The following NUDT3 variants were observed in gnomAD, a reference collection of about 807,000 sequenced individuals.
The protein encoded by NUDT3 is diphosphoinositol polyphosphate phosphohydrolase 1.
In NUDT3, 9 loss-of-function variants were observed where a neutral mutation model predicts 23.6. The ratio of observed to expected loss-of-function variants is 0.38; its 90% CI spans 0.23 to 0.66. NUDT3 has a LOEUF of 0.66. Among genes scored for constraint, NUDT3 ranks in the 30% least tolerant of loss-of-function variants. The pLI is 0.52. For synonymous variants in NUDT3, 86 were observed against 82.6 expected (o/e 1.04, Z -0.22); for missense variants, 172 against 218.5 (o/e 0.79, Z 1.34).
At chr6:34,297,167 C>T (rs762990667) in intron 2 of NUDT3, among the ~76,000 whole-genome samples, 3 of 152,038 alleles carry the variant, frequency 2.0e-5, no homozygotes, top group South Asian at 2.1e-4. Context: ...CTCCTGACCT[C>T]GTGATCCGCC....
At chr6:34,379,041 A>G (rs901667665) in intron 1 of NUDT3, among the ~76,000 whole-genome samples, 1 of 152,098 alleles carries the variant, frequency 6.6e-6, no homozygotes, top group Non-Finnish European at 1.5e-5. Flanking sequence ...ATCAAACCCA[A>G]GAAGAATTCA....
At chr6:34,356,032 T>C (rs942553288) in intron 1 of NUDT3, among the ~76,000 whole-genome samples, 4 of 152,156 alleles carry the variant, frequency 2.6e-5, no homozygotes, top group Admixed American at 6.5e-5. Context: ...AGAGAAAGCA[T>C]GACAGGAGCC....
At chr6:34,331,189 A>T (rs944122221) in intron 2 of NUDT3, among the ~76,000 whole-genome samples, 3 of 152,194 alleles carry the variant, frequency 2.0e-5, no homozygotes, top group African/African-American at 7.2e-5. Flanking sequence ...GGATAGATTA[A>T]CAAGGCTAGA....
intron 2 of NUDT3, among the ~76,000 whole-genome samples, chr6:34,339,821 G>A (rs1764261912): frequency 6.6e-6 from 1 of 151,992 alleles, no homozygotes; most frequent in Non-Finnish European, 1.5e-5. Flanking sequence ...ACATATATTG[G>A]CACATTCCAA....
chr6:34,392,622 C>A lies in NUDT3; in HGVS notation c.-260G>T. On this transcript the variant is annotated 5_prime_UTR_variant, in exon 1 of 5. Transcript: ENST00000607016. ...CGCCGCCCCCTCTGCCGCCGCCACCCCCGACGACGACCGCGCCGCCATCTT... is the reference window on the plus strand; with the variant it reads ...CGCCGCCCCCTCTGCCGCCGCCACCACCGACGACGACCGCGCCGCCATCTT... 3.8e-6 allele frequency: 1 copy of A among 262,788 alleles called. No individual in the cohort carries two copies. Among genetic ancestry groups the A allele is most frequent in the Non-Finnish European group, 7.2e-6 (1 of 139,760 alleles). 16.3% of individuals were successfully genotyped at this position (262,788 alleles called of 1,614,324 possible).
At chr6:34,293,236 T>C (rs1270275178) in intron 4 of NUDT3, among the ~76,000 whole-genome samples, 1 of 152,222 alleles carries the variant, frequency 6.6e-6, no homozygotes. Context: ...CTAAGTCTTC[T>C]GATTTTTGTA....
intron 1 of NUDT3, among the ~76,000 whole-genome samples, chr6:34,382,565 G>A (rs947264144): frequency 6.6e-6 from 1 of 151,990 alleles, no homozygotes; most frequent in African/African-American, 2.4e-5. Flanking sequence ...CAGCACTTTG[G>A]AAGGTCAAGG....
chr6:34,380,059 A>G (rs886233113), intron 1 of NUDT3, among the ~76,000 whole-genome samples: 3 of 152,104 alleles, frequency 2.0e-5, no homozygotes, highest in East Asian at 1.9e-4. Context: ...TTTATGCAGT[A>G]AAGTACTAAT....
At chr6:34,321,846 G>A (rs888627292) in intron 2 of NUDT3, among the ~76,000 whole-genome samples, 1 of 152,146 alleles carries the variant, frequency 6.6e-6, no homozygotes, top group Non-Finnish European at 1.5e-5. Flanking sequence ...TGTTCAAAAC[G>A]GTGAACATGA....
intron 4 of NUDT3, among the ~76,000 whole-genome samples, chr6:34,289,140 GTAAT>G (rs1284853122): frequency 6.6e-6 from 1 of 152,184 alleles, no homozygotes; most frequent in Non-Finnish European, 1.5e-5. Flanking sequence ...AGAGCTAAGA[GTAAT>G]TGTGTAAAAC....
At chr6:34,353,162 T>G (rs2113745063) in intron 1 of NUDT3, among the ~76,000 whole-genome samples, 1 of 152,326 alleles carries the variant, frequency 6.6e-6, no homozygotes, top group South Asian at 2.1e-4. Context: ...TCTTTCCCCT[T>G]TGTCAACCCC....
At chr6:34,376,888 AT>A (rs1339631649) in intron 1 of NUDT3, among the ~76,000 whole-genome samples, 3 of 151,956 alleles carry the variant, frequency 2.0e-5, no homozygotes, top group Non-Finnish European at 4.4e-5. Flanking sequence ...ATCACTCCCC[AT>A]CAATACCCTG....
At chr6:34,360,208 A>G (rs182756270) in intron 1 of NUDT3, among the ~76,000 whole-genome samples, 198 of 147,572 alleles carry the variant, frequency 1.3e-3, no homozygotes, top group South Asian at 6.6e-3. Context: ...ACTGCACTCC[A>G]GCCTGGGAAA....
intron 1 of NUDT3, among the ~76,000 whole-genome samples, chr6:34,349,333 A>AGATTGCCTCTGTACAGTG (rs879557446): frequency 6.6e-6 from 1 of 150,890 alleles, no homozygotes; most frequent in African/African-American, 2.5e-5. Context: ...AGTCTATAAG[A>AGATTGCCTCTGTACAGTG]CCAAGTGACT....
At position 34,283,046 on chromosome 6, in the gene NUDT3, A is replaced by T. The variant is rs1292921464; in HGVS notation, c.*5707T>A. ...ATTTTCTAAGACAAGCTCAAAGCTC[A>T]AACTCACCAAATTACCACTATAAAC... On this transcript the variant is annotated 3_prime_UTR_variant, in exon 5 of 5. Transcript: ENST00000607016. The T allele has an allele frequency of 2.0e-5, 3 of 152,138 alleles. No individual in the cohort carries two copies. The highest frequency in any genetic ancestry group is 1.3e-4 in the Admixed American group (2 of 15,260). The allele number at this position is 152,138 out of a possible 1,614,324, so 9.4% of individuals were successfully genotyped here.
chr6:34,307,274 T>C (rs1357174782), intron 2 of NUDT3, among the ~76,000 whole-genome samples: 1 of 151,802 alleles, frequency 6.6e-6, no homozygotes, highest in Non-Finnish European at 1.5e-5. Context: ...AAATAATAAT[T>C]CTAAAACTTT....
chr6:34,296,576 AATACATAC>A (rs568380239), intron 2 of NUDT3, among the ~76,000 whole-genome samples: 1 of 152,100 alleles, frequency 6.6e-6, no homozygotes, highest in Non-Finnish European at 1.5e-5. Context: ...CCTGTCGGTA[AATACATAC>A]ATACATACAT....
chr6:34,312,673 T>C (rs1365181093), intron 2 of NUDT3, among the ~76,000 whole-genome samples: 1 of 152,164 alleles, frequency 6.6e-6, no homozygotes, highest in African/African-American at 2.4e-5. Flanking sequence ...TATTGTTCCA[T>C]TTATTTATAT....
intron 2 of NUDT3, among the ~76,000 whole-genome samples, chr6:34,320,654 T>C (rs1022678257): frequency 6.6e-6 from 1 of 152,018 alleles, no homozygotes; most frequent in Non-Finnish European, 1.5e-5. Flanking sequence ...GTCAACATGG[T>C]GAAACCCCAT....
Sources: gnomAD v4.1 joint callset for allele counts (sites outside exome capture counted in the v4.1 genomes callset) on GRCh38, gnomAD v4.1.1 for gene constraint, MANE v1.5 for transcripts, NCBI Gene and HGNC (gene_info 2026-07-23, HGNC 2026-07-21) for gene names.